The following R3HDM4 variants were observed in gnomAD, a reference collection of about 807,000 sequenced individuals.
The protein encoded by R3HDM4 is R3H domain-containing protein 4.
R3HDM4 carries 30 observed loss-of-function variants against 31.3 expected under a neutral mutation model. The observed-to-expected ratio is 0.96, with a 90% CI of 0.72 to 1.30. The LOEUF is 1.30. Ranked by LOEUF, R3HDM4 falls within the 50% of genes most tolerant of loss-of-function variation. The pLI, the probability that R3HDM4 is intolerant of heterozygous loss-of-function variation, is 0.00. For missense variants in R3HDM4, 444 were observed against 366.1 expected (o/e 1.21, Z -1.74); for synonymous variants, 196 against 156.6 (o/e 1.25, Z -1.88).
intron 1 of R3HDM4, among the ~76,000 whole-genome samples, chr19:906,052 T>C (rs2145297321): frequency 6.6e-6 from 1 of 151,198 alleles, no homozygotes; most frequent in South Asian, 2.1e-4. Context: ...TGAGACAGAG[T>C]CTCACTCTGT....
intron 1 of R3HDM4, among the ~76,000 whole-genome samples, chr19:909,624 C>T (rs553407863): frequency 6.6e-5 from 10 of 151,456 alleles, no homozygotes; most frequent in East Asian, 4.0e-4. Context: ...AGTGAAACCC[C>T]GTCTCTACTA....
Position 913,036 on chromosome 19 carries a change from G to T in R3HDM4, c.71+51C>A. On this transcript the variant is annotated intron_variant, in intron 1 of 7. Transcript: ENST00000361574. This position sits in a 1 kb window ranked among gnomAD's most constrained non-coding sequence, Gnocchi z 5.0. ...AGGCGGGGAGAGGATCTCAGGGGAG[G>T]GAGCCCAGCCCGCCCCCGGCGCCCG... 1.3e-6 allele frequency: 1 copy of T among 750,514 alleles called. No individual in the cohort carries two copies. The highest frequency in any genetic ancestry group is 1.6e-6 in the Non-Finnish European group (1 of 606,256). The allele number at this position is 750,514 out of a possible 1,614,324, so 46.5% of individuals were successfully genotyped here.
In R3HDM4 at chr19:906,056, A is replaced by G. The variant is rs932202757; in HGVS notation, c.72-3926T>C. 2.9e-4 allele frequency among the ~76,000 whole-genome samples: 44 copies of G among 150,862 alleles called. 1 individual carries two copies. The highest frequency in any genetic ancestry group is 5.6e-4 in the Non-Finnish European group (38 of 67,726). ...CTTTTTTTTTTTGAGACAGAGTCTCACTCTGTCACCCAGGCTGGAGCGCAG... is the reference window on the plus strand; with the variant it reads ...CTTTTTTTTTTTGAGACAGAGTCTCGCTCTGTCACCCAGGCTGGAGCGCAG... On this transcript the variant is annotated intron_variant, in intron 1 of 7. Coordinates refer to ENST00000361574, the MANE Select transcript of R3HDM4 (RefSeq NM_138774.4).
intron 1 of R3HDM4, 55 bp from the exon 2 acceptor site, chr19:902,185 G>A: frequency 6.3e-7 from 1 of 1,595,500 alleles, no homozygotes; most frequent in South Asian, 1.1e-5. Flanking sequence ...GGATCTCCGA[G>A]AAGGGCCCTA....
chr19:906,649 A>G lies in R3HDM4; in HGVS notation c.72-4519T>C, dbSNP rs537154037. 2.0e-4 allele frequency among the ~76,000 whole-genome samples: 30 copies of G among 152,156 alleles called. No individual in the cohort carries two copies. In the South Asian group the frequency reaches 4.1e-3, roughly 21 times the overall value. ...GCTGCCACTTGCTTGTTTTCCTCCTATGATGGGGAACTCACCCCTCAGCCA... is the reference window on the plus strand; with the variant it reads ...GCTGCCACTTGCTTGTTTTCCTCCTGTGATGGGGAACTCACCCCTCAGCCA... On this transcript the variant is annotated intron_variant, in intron 1 of 7. Coordinates refer to ENST00000361574, the MANE Select transcript of R3HDM4 (RefSeq NM_138774.4).
chr19:912,851 AGGGTGTCCC>A (rs1156487966), intron 1 of R3HDM4, among the ~76,000 whole-genome samples: 3 of 151,554 alleles, frequency 2.0e-5, no homozygotes, highest in African/African-American at 7.3e-5. Flanking sequence ...GAGCGCCAGG[AGGGTGTCCC>A]CGCTGAGTAA....
At chr19:912,685 G>T (rs1429950186) in intron 1 of R3HDM4, among the ~76,000 whole-genome samples, 1 of 131,358 alleles carries the variant, frequency 7.6e-6, no homozygotes, top group Admixed American at 7.5e-5. Context: ...GGAGAGTGAG[G>T]GGGTGGACCC....
Position 899,433 on chromosome 19 carries a change from C to A in R3HDM4, c.703+7G>T. 1 of 1,613,610 alleles carries A rather than the reference C, an allele frequency of 6.2e-7. No homozygotes were observed. The highest frequency in any genetic ancestry group is 8.5e-7 in the Non-Finnish European group (1 of 1,179,938). On this transcript the variant is annotated splice_region_variant and intron_variant, in intron 7 of 7. Coordinates refer to ENST00000361574, the MANE Select transcript of R3HDM4 (RefSeq NM_138774.4). This position sits in a 1 kb window ranked among gnomAD's most constrained non-coding sequence, Gnocchi z 6.8. ...AACTTGGGGTCTTGGGGGCCACCGGCACTTACTGGCCGAGATGAGGTCCAT... is the reference window on the plus strand; with the variant it reads ...AACTTGGGGTCTTGGGGGCCACCGGAACTTACTGGCCGAGATGAGGTCCAT...
At chr19:901,157 G>T (rs938268063) in intron 3 of R3HDM4, 19 of 687,230 alleles carry the variant, frequency 2.8e-5, no homozygotes, top group Non-Finnish European at 4.0e-5. Flanking sequence ...GTCTCGGGGT[G>T]GGGGGGATTG....
rs912719109 is a variant in R3HDM4 at position 907,073 on chromosome 19, C to A, written c.72-4943G>T. On this transcript the variant is annotated intron_variant, in intron 1 of 7. Coordinates refer to ENST00000361574, the MANE Select transcript of R3HDM4 (RefSeq NM_138774.4). The surrounding 1 kb of genome is among the most constrained non-coding windows in gnomAD (Gnocchi z 4.1). Reference sequence around the variant, plus strand: ...TAAGTGATCCGCCTGCCTCAGCCTCCCAAAGTGCTGGGATTACAGGCATGA... The same window carrying A: ...TAAGTGATCCGCCTGCCTCAGCCTCACAAAGTGCTGGGATTACAGGCATGA... 9.9e-5 allele frequency among the ~76,000 whole-genome samples: 15 copies of A among 152,176 alleles called. No individual in the cohort carries two copies. Among genetic ancestry groups the A allele is most frequent in the African/African-American group, 3.6e-4 (15 of 41,430 alleles).
chr19:897,431 C>A lies in R3HDM4; in HGVS notation c.*6G>T. On this transcript the variant is annotated 3_prime_UTR_variant, in exon 8 of 8. Coordinates refer to ENST00000361574, the MANE Select transcript of R3HDM4 (RefSeq NM_138774.4). ...AGGTGGCAGCGGGGTCTCCGCGGGG[C>A]CGCCATCAGCTGTGCTGCTCCAGGT... The A allele has an allele frequency of 6.3e-7, 1 of 1,593,516 alleles. No individual in the cohort carries two copies. Among genetic ancestry groups the A allele is most frequent in the Admixed American group, 1.8e-5 (1 of 57,100 alleles).
chr19:912,431 T>C (rs58662408), intron 1 of R3HDM4, among the ~76,000 whole-genome samples: 2,600 of 65,244 alleles, frequency 0.04, 236 homozygotes, highest in African/African-American at 0.17. Context: ...GACCAGGGAG[T>C]TGGGGGGTGG....
Position 901,495 on chromosome 19 carries a change from T to C in R3HDM4, c.278A>G (p.Glu93Gly). 6.2e-7 allele frequency: 1 copy of C among 1,609,276 alleles called. No homozygotes were observed. The highest frequency in any genetic ancestry group is 1.1e-5 in the South Asian group (1 of 90,776). Residue 93 changes from glutamate to glycine, a missense_variant, in exon 3 of 8, where the codon GAG becomes GGG. Glu to Gly is a moderately conservative substitution (Grantham distance 98). Coordinates refer to ENST00000361574, the MANE Select transcript of R3HDM4 (RefSeq NM_138774.4). ...TGCAGGGGGTGCCAAGTCCCCATCC[T>C]CCAGGCCAGGCAGGCCCCCGTCTGT... ...LETDGGLPGL[E>G]DGDLAPPASP...
At position 897,772 on chromosome 19, in the gene R3HDM4, C is replaced by T. The variant is rs1458777415; in HGVS notation, c.704-232G>A. On this transcript the variant is annotated intron_variant, in intron 7 of 7. Transcript: ENST00000361574. ...CTCCTCGGGCCCATCTCACTCCCCG[C>T]TGGCACTCATTCCACTGTGCGGATG... 2.6e-5 allele frequency among the ~76,000 whole-genome samples: 4 copies of T among 152,254 alleles called. No individual in the cohort carries two copies. The South Asian group carries it at 8.3e-4, about 31-fold the overall frequency.
At chr19:911,053 G>A (rs1017742726) in intron 1 of R3HDM4, among the ~76,000 whole-genome samples, 6 of 152,054 alleles carry the variant, frequency 3.9e-5, no homozygotes, top group East Asian at 3.9e-4. Context: ...CCCAGGAGGC[G>A]GAGCTTGCAG....
chr19:901,114 G>A (rs904200112), intron 3 of R3HDM4, 162 bp from the exon 4 acceptor site: 7 of 964,352 alleles, frequency 7.3e-6, no homozygotes, highest in East Asian at 2.7e-5. Context: ...TGAGCTGAGC[G>A]CAGGGAAGCG....
chr19:897,687 A>T, intron 7 of R3HDM4, 147 bp from the exon 8 acceptor site: 1 of 638,132 alleles, frequency 1.6e-6, no homozygotes, highest in Non-Finnish European at 2.8e-6. Flanking sequence ...GGCTGGCCCT[A>T]AGCCCGCAGG....
intron 1 of R3HDM4, among the ~76,000 whole-genome samples, chr19:906,628 C>T (rs144834127): frequency 1.6e-4 from 25 of 152,182 alleles, no homozygotes; most frequent in African/African-American, 6.0e-4. Context: ...ATCTCAGCTG[C>T]CACTTGCTTG....
At chr19:912,705 G>T (rs1202842903) in intron 1 of R3HDM4, among the ~76,000 whole-genome samples, 2 of 130,356 alleles carry the variant, frequency 1.5e-5, no homozygotes, top group Non-Finnish European at 3.3e-5. Flanking sequence ...CGGGAATGGA[G>T]GCGCGGACCA....
Sources: allele counts gnomAD v4.1 joint callset (sites outside exome capture counted in the v4.1 genomes callset), GRCh38; gene constraint gnomAD v4.1.1; non-coding constraint Gnocchi (gnomAD v3.1); transcripts MANE v1.5; gene names NCBI Gene and HGNC (gene_info 2026-07-23, HGNC 2026-07-21).